DCDC2: variants seen among roughly 807,000 people sequenced by gnomAD.
The protein encoded by DCDC2 is doublecortin domain containing 2, also known as doublecortin domain-containing protein 2.
In DCDC2, 40 loss-of-function variants were observed where a neutral mutation model predicts 50.2. The observed-to-expected ratio is 0.80, with a 90% CI of 0.62 to 1.04. The LOEUF is 1.04. Among genes scored for constraint, DCDC2 ranks in the 50% least tolerant of loss-of-function variants. The probability of loss-of-function intolerance (pLI) is 0.00; values close to 1 mark genes in which losing one functional copy is unlikely to be tolerated. For missense variants in DCDC2, 570 were observed against 581.9 expected, an observed-to-expected ratio of 0.98 and a Z score of 0.21; for synonymous variants, 234 against 210.6, an observed-to-expected ratio of 1.11 and a Z score of -0.96.
chr6:24,292,680 C>T (rs766788055), intron 4 of DCDC2, among the ~76,000 whole-genome samples: 10 of 152,322 alleles, frequency 6.6e-5, no homozygotes, highest in South Asian at 2.1e-4. Flanking sequence ...CCAGCCTGGG[C>T]AACATAGTAA....
intron 2 of DCDC2, among the ~76,000 whole-genome samples, chr6:24,334,081 A>G (rs1760014161): frequency 6.6e-6 from 1 of 152,208 alleles, no homozygotes; most frequent in Non-Finnish European, 1.5e-5. Context: ...TAATTGGAGT[A>G]CAGTAATTCT....
intron 4 of DCDC2, among the ~76,000 whole-genome samples, chr6:24,301,060 A>AAC (rs1275247698): frequency 1.3e-5 from 2 of 151,520 alleles, no homozygotes; most frequent in Non-Finnish European, 2.9e-5. Context: ...TTTAAAAAAA[A>AAC]AAAACGGACA....
chr6:24,300,217 T>TA, intron 4 of DCDC2, among the ~76,000 whole-genome samples: 1 of 151,740 alleles, frequency 6.6e-6, no homozygotes, highest in South Asian at 2.1e-4. Flanking sequence ...TGACAAAATC[T>TA]AATCTCTACA....
intron 8 of DCDC2, among the ~76,000 whole-genome samples, chr6:24,204,542 T>C (rs1042997829): frequency 6.6e-6 from 1 of 152,052 alleles, no homozygotes; most frequent in Non-Finnish European, 1.5e-5. Flanking sequence ...ATGTAAATGA[T>C]GGGTTGATGA....
intron 9 of DCDC2, among the ~76,000 whole-genome samples, chr6:24,177,188 T>C (rs1760940883): frequency 6.6e-6 from 1 of 152,224 alleles, no homozygotes; most frequent in South Asian, 2.1e-4. Flanking sequence ...CTGAGGACTA[T>C]GTAGAACTAA....
chr6:24,281,165 G>A (rs959362982), intron 6 of DCDC2, among the ~76,000 whole-genome samples: 1 of 152,106 alleles, frequency 6.6e-6, no homozygotes, highest in East Asian at 1.9e-4. Flanking sequence ...TAATTTTGGA[G>A]TATCAAGAAA....
At chr6:24,366,321 T>C in the DCDC2 span, among the ~76,000 whole-genome samples, 3 of 152,214 alleles carry the variant, frequency 2.0e-5, no homozygotes, top group Non-Finnish European at 4.4e-5. Context: ...TTCTCCAAGT[T>C]ACAATTTTAT....
chr6:24,204,883 T>C (rs1761674210), intron 8 of DCDC2, 119 bp downstream of exon 8: 10 of 898,768 alleles, frequency 1.1e-5, no homozygotes, highest in Non-Finnish European at 1.7e-5. Flanking sequence ...ATCAGCCACA[T>C]AGTACCTTAG....
intron 9 of DCDC2, among the ~76,000 whole-genome samples, chr6:24,175,701 T>C (rs543672631): frequency 6.6e-6 from 1 of 152,344 alleles, no homozygotes; most frequent in African/African-American, 2.4e-5. Context: ...ATTCTCTGTA[T>C]TTCCTGGTAT....
At chr6:24,350,391 C>A (rs1365246216) in intron 2 of DCDC2, among the ~76,000 whole-genome samples, 1 of 152,144 alleles carries the variant, frequency 6.6e-6, no homozygotes, top group Non-Finnish European at 1.5e-5. Flanking sequence ...TGGGTAGGAC[C>A]CAGTGCCACA....
At chr6:24,342,718 A>C (rs1426647099) in intron 2 of DCDC2, among the ~76,000 whole-genome samples, 1 of 152,098 alleles carries the variant, frequency 6.6e-6, no homozygotes, top group Non-Finnish European at 1.5e-5. Context: ...GTTTTCTTTC[A>C]AACCAACTCA....
chr6:24,185,727 A>ACACACC (rs1491520496), intron 8 of DCDC2, among the ~76,000 whole-genome samples: 3 of 129,530 alleles, frequency 2.3e-5, no homozygotes, highest in Non-Finnish European at 4.8e-5. Context: ...ACACACACAC[A>ACACACC]TATACACACA....
intron 2 of DCDC2, among the ~76,000 whole-genome samples, chr6:24,307,762 T>C (rs1759499174): frequency 7.4e-6 from 1 of 134,868 alleles, no homozygotes; most frequent in African/African-American, 3.4e-5. Flanking sequence ...AGAATCATTC[T>C]TTTTTTTTTT....
At chr6:24,267,548 T>G (rs1485096551) in intron 7 of DCDC2, among the ~76,000 whole-genome samples, 1 of 152,124 alleles carries the variant, frequency 6.6e-6, no homozygotes, top group Non-Finnish European at 1.5e-5. Context: ...TCTCAAAAAA[T>G]AATGACCATT....
intron 2 of DCDC2, among the ~76,000 whole-genome samples, chr6:24,348,883 A>G (rs954173199): frequency 6.6e-6 from 1 of 152,096 alleles, no homozygotes; most frequent in Non-Finnish European, 1.5e-5. Context: ...TGAAGTATCC[A>G]TTTTATGCCT....
intron 2 of DCDC2, among the ~76,000 whole-genome samples, chr6:24,347,765 G>A (rs1256262199): frequency 6.6e-6 from 1 of 152,142 alleles, no homozygotes; most frequent in Non-Finnish European, 1.5e-5. Context: ...TCCTACAGGG[G>A]CAATAAATGT....
At chr6:24,368,567 A>T in the DCDC2 span, among the ~76,000 whole-genome samples, 1 of 152,220 alleles carries the variant, frequency 6.6e-6, no homozygotes, top group Non-Finnish European at 1.5e-5. Flanking sequence ...TTTTGAAAAT[A>T]GTTGTCAATA....
At chr6:24,358,706 T>A (rs867964785), upstream of DCDC2, among the ~76,000 whole-genome samples, 2 of 103,300 alleles carry the variant, frequency 1.9e-5, no homozygotes, top group East Asian at 4.6e-4. Flanking sequence ...ATATTTTTTT[T>A]ATATATATAT....
At chr6:24,310,361 A>G (rs1288644152) in intron 2 of DCDC2, among the ~76,000 whole-genome samples, 3 of 152,198 alleles carry the variant, frequency 2.0e-5, no homozygotes, top group Admixed American at 6.5e-5. Context: ...ATAATCTTCT[A>G]TGGTATCAAA....
Sources: allele counts gnomAD v4.1 joint callset (sites outside exome capture counted in the v4.1 genomes callset), GRCh38; gene constraint gnomAD v4.1.1; transcripts MANE v1.5; gene names NCBI Gene and HGNC (gene_info 2026-07-23, HGNC 2026-07-21).